PDE10A: variants seen among roughly 807,000 people sequenced by gnomAD.
PDE10A encodes the protein phosphodiesterase 10A.
A neutral mutation model predicts 97.7 loss-of-function variants in PDE10A; 39 were observed. That is an observed-to-expected ratio of 0.40 (90% CI 0.31 to 0.52). The LOEUF is 0.52. Among genes scored for constraint, PDE10A ranks in the 20% least tolerant of loss-of-function variants. The pLI is 0.56. For synonymous variants in PDE10A, 371 were observed against 376.8 expected, an observed-to-expected ratio of 0.98 and a Z score of 0.18; for missense variants, 731 against 1,047.8, an observed-to-expected ratio of 0.70 and a Z score of 4.17.
At chr6:165,379,436 A>T in intron 17 of PDE10A, 70 bp from the exon 18 acceptor site, 1 of 1,228,976 alleles carries the variant, frequency 8.1e-7, no homozygotes, top group Non-Finnish European at 1.1e-6. Flanking sequence ...ATTTTTAGTT[A>T]TTTGAAACTA....
intron 1 of PDE10A, among the ~76,000 whole-genome samples, chr6:165,973,590 GAAGA>G (rs1784761365): frequency 1.3e-5 from 2 of 150,678 alleles, no homozygotes; most frequent in Admixed American, 1.3e-4. Flanking sequence ...AAAAAATTCT[GAAGA>G]AAGACTCAGT....
Position 165,737,368 on chromosome 6 carries a change from G to A in PDE10A, c.-614-193800C>T, listed in dbSNP as rs150585338. 2.1e-3 allele frequency among the ~76,000 whole-genome samples: 327 copies of A among 152,276 alleles called. 4 individuals are homozygous for A. Among genetic ancestry groups the A allele is most frequent in the African/African-American group, 7.4e-3 (307 of 41,546 alleles). ...AAAATTTCAGGCCAATATCCCCGATGAACATATGTGCAAAAATCCTTGACA... is the reference window on the plus strand; with the variant it reads ...AAAATTTCAGGCCAATATCCCCGATAAACATATGTGCAAAAATCCTTGACA... On this transcript the variant is annotated intron_variant, in intron 1 of 19. Coordinates refer to the PDE10A transcript ENST00000366882.
chr6:165,631,239 A>G (rs1002620436), intron 1 of PDE10A, among the ~76,000 whole-genome samples: 2 of 152,146 alleles, frequency 1.3e-5, no homozygotes. Flanking sequence ...TTTAAAGAAC[A>G]GGACTGATAA....
At chr6:165,735,013 AT>A (rs1792534527) in intron 1 of PDE10A, among the ~76,000 whole-genome samples, 1 of 131,244 alleles carries the variant, frequency 7.6e-6, no homozygotes, top group African/African-American at 3.9e-5. Context: ...AGGTAGGTAG[AT>A]AGGTAGGTAG....
chr6:165,842,650 T>C (rs1780294142), intron 1 of PDE10A, among the ~76,000 whole-genome samples: 1 of 152,222 alleles, frequency 6.6e-6, no homozygotes, highest in South Asian at 2.1e-4. Flanking sequence ...TCAGCGTTTA[T>C]TGTGGGCCAA....
chr6:165,423,799 G>A (rs752912046), intron 10 of PDE10A, among the ~76,000 whole-genome samples: 29 of 150,646 alleles, frequency 1.9e-4, no homozygotes, highest in Non-Finnish European at 2.9e-4. Flanking sequence ...GCAGTGAGCC[G>A]AGATCATGCC....
intron 1 of PDE10A, among the ~76,000 whole-genome samples, chr6:165,983,392 T>C (rs697473): frequency 0.66 from 100,897 of 152,010 alleles, 34,036 homozygotes; most frequent in East Asian, 0.88. Flanking sequence ...CCAGAGACCA[T>C]GAGCACTCTG....
chr6:165,832,420 T>TA (rs1779946762), intron 1 of PDE10A, among the ~76,000 whole-genome samples: 1 of 132,010 alleles, frequency 7.6e-6, no homozygotes, highest in South Asian at 2.3e-4. Flanking sequence ...GAATCCTGAT[T>TA]TAAAAAAAAA....
rs117585554 is a variant in PDE10A at position 165,376,335 on chromosome 6, G to A, written c.2783+2859C>T. Among the ~76,000 whole-genome samples the A allele has an allele frequency of 2.3e-4, 35 of 152,340 alleles. No individual in the cohort carries two copies. The East Asian group carries it at 6.2e-3, about 27-fold the overall frequency. On this transcript the variant is annotated intron_variant, in intron 18 of 21. Transcript: ENST00000539869. ...GATGCAATCATGATCAAACTTGAAC[G>A]GATGAGGTGCTTCTTATGAATGAGC...
At chr6:165,727,580 A>G (rs565665935) in intron 1 of PDE10A, among the ~76,000 whole-genome samples, 58 of 152,362 alleles carry the variant, frequency 3.8e-4, no homozygotes, top group African/African-American at 1.4e-3. Context: ...CCAGCTCACC[A>G]GTTCCTTCCC....
At chr6:165,594,607 T>C (rs1014233043) in intron 1 of PDE10A, among the ~76,000 whole-genome samples, 19 of 152,182 alleles carry the variant, frequency 1.2e-4, no homozygotes, top group African/African-American at 4.1e-4. Flanking sequence ...ATCATCATTT[T>C]ATAAGCCCCA....
chr6:165,951,133 C>T (rs898626493), intron 1 of PDE10A, among the ~76,000 whole-genome samples: 2 of 152,162 alleles, frequency 1.3e-5, no homozygotes, highest in African/African-American at 4.8e-5. Context: ...TTAGGGATGT[C>T]AGCTGGGGAG....
intron 1 of PDE10A, chr6:165,894,539 A>G (rs555623881): frequency 3.1e-5 from 14 of 456,040 alleles, no homozygotes; most frequent in South Asian, 1.7e-4. Flanking sequence ...ATAGACCACA[A>G]ACTCAACGGG....
chr6:165,884,772 CAAT>C (rs1781583059), intron 1 of PDE10A, among the ~76,000 whole-genome samples: 1 of 152,102 alleles, frequency 6.6e-6, no homozygotes, highest in East Asian at 1.9e-4. Flanking sequence ...ATAACAACCA[CAAT>C]AATGGGTCAG....
Position 165,418,654 on chromosome 6 carries a change from T to C in PDE10A, c.1777A>G (p.Lys593Glu), listed in dbSNP as rs1196511343. ...CTGTACCTTATCTCTTTGGTCTTCT[T>C]GAAGACAGGTTTTCCTTCCTTTTCC... ...GEEKEGKPVF[K>E]KTKEIRFSIE... The change falls in exon 11 of 22, where the codon AAG (lysine) becomes GAG (glutamate). Residue 593 changes from lysine to glutamate, a missense_variant. Around this residue, in one of 8 missense-constraint regions of PDE10A, gnomAD observed 108 missense variants for 199.8 expected, o/e 0.54. Transcript: ENST00000539869. This position sits in a 1 kb window ranked among gnomAD's most constrained non-coding sequence, Gnocchi z 4.8. The C allele has an allele frequency of 6.2e-7, 1 of 1,613,236 alleles. No homozygotes were observed. The highest frequency in any genetic ancestry group is 8.5e-7 in the Non-Finnish European group (1 of 1,179,788).
intron 1 of PDE10A, among the ~76,000 whole-genome samples, chr6:165,627,693 G>GATTTTC (rs1227615009): frequency 6.8e-4 from 103 of 152,250 alleles, no homozygotes; most frequent in Non-Finnish European, 4.4e-4. Context: ...AAACGGCAGG[G>GATTTTC]ATTTTCATTT....
rs145279890 is a variant in PDE10A, at chr6:165,700,457, A to G, written c.-614-156889T>C. ...ATTGCACATTTCACACAGGCGAATT[A>G]CATGGTGTGTGAATGATATCTCAAT... On this transcript the variant is annotated intron_variant, in intron 1 of 19. Coordinates refer to the PDE10A transcript ENST00000366882. Among the ~76,000 whole-genome samples, 425 of 152,374 alleles carry G rather than the reference A, an allele frequency of 2.8e-3. 1 individual carries two copies. The highest frequency in any genetic ancestry group is 5.1e-3 in the Non-Finnish European group (346 of 68,034).
Position 165,856,891 on chromosome 6 carries a change from G to A in PDE10A, c.-615+130638C>T, listed in dbSNP as rs529345213. ...GGATTAAAGAATTCGACTCTGGGAT[G>A]TGGTGAATCTCAAGTTCTGTTAACA... On this transcript the variant is annotated intron_variant, in intron 1 of 19. Transcript: ENST00000366882. Among the ~76,000 whole-genome samples the A allele has an allele frequency of 2.6e-5, 4 of 152,316 alleles. No individual in the cohort carries two copies. The East Asian group carries it at 7.7e-4, about 29-fold the overall frequency.
chr6:165,554,932 G>A (rs920270952), intron 1 of PDE10A, among the ~76,000 whole-genome samples: 59 of 152,180 alleles, frequency 3.9e-4, no homozygotes, highest in Middle Eastern at 3.4e-3. Flanking sequence ...GACAAACATC[G>A]CATGTTCTCA....
Sources: gnomAD v4.1 joint callset for allele counts (sites outside exome capture counted in the v4.1 genomes callset) on GRCh38, gnomAD v4.1.1 for gene constraint, gnomAD v4.1.1 regional missense constraint, Gnocchi (gnomAD v3.1) non-coding constraint, MANE v1.5 for transcripts, NCBI Gene and HGNC (gene_info 2026-07-23, HGNC 2026-07-21) for gene names.